USH2A: variants seen among roughly 807,000 people sequenced by gnomAD.
USH2A encodes usherin, also known as Usher syndrome 2A (autosomal recessive, mild).
Under a neutral mutation model 538.9 loss-of-function variants are expected in USH2A, and 443 were observed. The ratio of observed to expected loss-of-function variants is 0.82; its 90% CI spans 0.76 to 0.89. The LOEUF (loss-of-function observed/expected upper bound fraction) is 0.89, where lower values mean the gene tolerates loss of function less well. USH2A is among the 40% of genes least tolerant of loss of function. The pLI is 0.00. For missense variants in USH2A, 6,633 were observed against 6,324.8 expected (o/e 1.05, Z -1.65); for synonymous variants, 2,413 against 2,273.5 (o/e 1.06, Z -1.75).
chr1:216,081,416 C>A (rs1378613487), intron 26 of USH2A, among the ~76,000 whole-genome samples: 1 of 152,076 alleles, frequency 6.6e-6, no homozygotes, highest in Non-Finnish European at 1.5e-5. Context: ...TGAAATAAGT[C>A]AGTATAATAG....
intron 21 of USH2A, among the ~76,000 whole-genome samples, chr1:216,099,122 C>G (rs915184771): frequency 6.6e-6 from 1 of 152,154 alleles, no homozygotes; most frequent in Non-Finnish European, 1.5e-5. Flanking sequence ...GAAGGCAAAT[C>G]AAATTTATCC....
intron 37 of USH2A, among the ~76,000 whole-genome samples, chr1:215,960,907 T>C (rs1242314340): frequency 2.0e-5 from 3 of 152,118 alleles, no homozygotes; most frequent in Non-Finnish European, 2.9e-5. Flanking sequence ...TCCTGCCTCA[T>C]GCACTTGAGA....
chr1:216,282,419 G>A (rs2036801041), intron 11 of USH2A, among the ~76,000 whole-genome samples: 1 of 152,104 alleles, frequency 6.6e-6, no homozygotes, highest in South Asian at 2.1e-4. Flanking sequence ...GGTGGGGTAG[G>A]AGTCCAAGTT....
chr1:216,395,242 C>G (rs181022618), intron 3 of USH2A, among the ~76,000 whole-genome samples: 1 of 152,092 alleles, frequency 6.6e-6, no homozygotes, highest in South Asian at 2.1e-4. Context: ...AACAATCAAC[C>G]GAATGTTAAT....
chr1:216,033,597 A>C (rs1440666410), intron 32 of USH2A, among the ~76,000 whole-genome samples: 1 of 152,202 alleles, frequency 6.6e-6, no homozygotes, highest in African/African-American at 2.4e-5. Flanking sequence ...ATAGGGCAAC[A>C]GCAGTTTGGA....
At chr1:216,236,782 T>A (rs2035828468) in intron 13 of USH2A, among the ~76,000 whole-genome samples, 1 of 152,020 alleles carries the variant, frequency 6.6e-6, no homozygotes, top group Admixed American at 6.6e-5. Flanking sequence ...AGAAAGAAAA[T>A]GTCACCCTAA....
chr1:215,845,863 T>C lies in USH2A; in HGVS notation c.9016A>G (p.Ile3006Val). Residue 3006 changes from isoleucine to valine, a missense_variant, in exon 45 of 72, where the codon ATC becomes GTC. By Grantham distance (29) the Ile-to-Val change is conservative (BLOSUM62 3). Coordinates refer to ENST00000307340, the MANE Select transcript of USH2A (RefSeq NM_206933.4). ...FISVFNGVHS[I>V]NSAGLHATTC... ...GTTGCATGAAGTCCTGCACTGTTGA[T>C]GCTGTGGACTCCATTGAAGACAGAG... 1 of 1,613,900 alleles carries C rather than the reference T, an allele frequency of 6.2e-7. No individual in the cohort carries two copies. Among genetic ancestry groups the C allele is most frequent in the Non-Finnish European group, 8.5e-7 (1 of 1,179,890 alleles).
At chr1:216,340,321 A>T (rs2038052656) in intron 4 of USH2A, among the ~76,000 whole-genome samples, 1 of 152,084 alleles carries the variant, frequency 6.6e-6, no homozygotes, top group African/African-American at 2.4e-5. Context: ...TAGACGAATA[A>T]TGAGTTCTGA....
intron 67 of USH2A, among the ~76,000 whole-genome samples, chr1:215,641,611 T>A (rs1480422090): frequency 6.6e-6 from 1 of 152,214 alleles, no homozygotes; most frequent in Non-Finnish European, 1.5e-5. Context: ...GAGATCTTAT[T>A]TTCTACAAAA....
chr1:215,948,894 A>G (rs557133941), intron 37 of USH2A, among the ~76,000 whole-genome samples: 1 of 152,270 alleles, frequency 6.6e-6, no homozygotes, highest in East Asian at 1.9e-4. Context: ...TTATTTAAAG[A>G]AACCATAATG....
intron 61 of USH2A, among the ~76,000 whole-genome samples, chr1:215,691,414 TA>T (rs1394344731): frequency 3.9e-5 from 6 of 152,146 alleles, no homozygotes; most frequent in Non-Finnish European, 8.8e-5. Context: ...TTGAAAATTT[TA>T]AAACATACTA....
At chr1:215,877,650 C>T (rs368604681) in intron 43 of USH2A, 108 bp downstream of exon 43, 1 of 1,522,678 alleles carries the variant, frequency 6.6e-7, no homozygotes, top group Non-Finnish European at 9.0e-7. Flanking sequence ...TGTTTTATTG[C>T]ATAACTGATA....
chr1:215,661,340 T>C (rs1292945302), intron 64 of USH2A, among the ~76,000 whole-genome samples: 1 of 152,180 alleles, frequency 6.6e-6, no homozygotes, highest in Admixed American at 6.5e-5. Flanking sequence ...TCAGGTTCTT[T>C]GTTTCTCCTG....
At chr1:216,311,162 A>T (rs2037413217) in intron 9 of USH2A, among the ~76,000 whole-genome samples, 1 of 152,168 alleles carries the variant, frequency 6.6e-6, no homozygotes, top group Non-Finnish European at 1.5e-5. Flanking sequence ...TACAGAGCAG[A>T]CTTTCCCAGG....
chr1:215,863,244 G>A (rs1664378167), intron 44 of USH2A, among the ~76,000 whole-genome samples: 1 of 152,118 alleles, frequency 6.6e-6, no homozygotes, highest in South Asian at 2.1e-4. Flanking sequence ...TACAAGTGAA[G>A]AGAGACAGAT....
intron 3 of USH2A, among the ~76,000 whole-genome samples, chr1:216,390,264 A>C (rs991637328): frequency 2.6e-5 from 4 of 152,164 alleles, no homozygotes; most frequent in African/African-American, 9.7e-5. Context: ...TCACCTAGTC[A>C]AATAAAGGGA....
chr1:216,003,991 C>T (rs998450439), intron 32 of USH2A, among the ~76,000 whole-genome samples: 7 of 152,072 alleles, frequency 4.6e-5, no homozygotes, highest in Non-Finnish European at 8.8e-5. Flanking sequence ...ACAGGATTTC[C>T]CAGTGCATTG....
chr1:216,174,938 G>T (rs2034344667), intron 21 of USH2A: 3 of 1,190,896 alleles, frequency 2.5e-6, no homozygotes, highest in East Asian at 5.3e-5. Flanking sequence ...AGAGAACACA[G>T]TGAATAATAT....
chr1:215,635,531 TTTTATTTA>T (rs35379579), intron 69 of USH2A, among the ~76,000 whole-genome samples: 121 of 142,142 alleles, frequency 8.5e-4, no homozygotes, highest in East Asian at 7.1e-3. Context: ...GTAGGATTAT[TTTTATTTA>T]TTTATTTATT....
Sources: gnomAD v4.1 joint callset for allele counts (sites outside exome capture counted in the v4.1 genomes callset) on GRCh38, gnomAD v4.1.1 for gene constraint, MANE v1.5 for transcripts, NCBI Gene and HGNC (gene_info 2026-07-23, HGNC 2026-07-21) for gene names.